CLIC5: variants seen among roughly 807,000 people sequenced by gnomAD.
CLIC5 encodes chloride intracellular channel protein 5.
A neutral mutation model predicts 24.7 loss-of-function variants in CLIC5; 20 were observed. The observed-to-expected ratio is 0.81, with a 90% CI of 0.57 to 1.18. CLIC5 has a LOEUF of 1.18. Among genes scored for constraint, CLIC5 ranks in the 50% most tolerant of loss-of-function variants. CLIC5 has a pLI of 0.00. For missense variants in CLIC5, 341 were observed against 326.1 expected, an observed-to-expected ratio of 1.05 and a Z score of -0.35; for synonymous variants, 159 against 135.6, an observed-to-expected ratio of 1.17 and a Z score of -1.20.
In CLIC5 at chr6:46,038,602, A is replaced by G. The variant is rs373613127; in HGVS notation, c.540+41101T>C. ...TTTACTGGCATAAAAACCCTACTTCATGTCAACAGTTTTAGAAAAATTCAG... is the reference window on the plus strand; with the variant it reads ...TTTACTGGCATAAAAACCCTACTTCGTGTCAACAGTTTTAGAAAAATTCAG... On this transcript the variant is annotated intron_variant, in intron 1 of 5. Transcript: ENST00000185206. 9.2e-5 allele frequency among the ~76,000 whole-genome samples: 14 copies of G among 152,346 alleles called. No homozygotes were observed. In the East Asian group the frequency reaches 2.5e-3, roughly 27 times the overall value.
the CLIC5 span, among the ~76,000 whole-genome samples, chr6:46,119,866 G>A: frequency 6.6e-6 from 1 of 152,232 alleles, no homozygotes; most frequent in African/African-American, 2.4e-5. Flanking sequence ...GGAACTGCAA[G>A]GCAGCAGCGA....
intron 1 of CLIC5, chr6:46,079,686 T>C (rs1405208333): frequency 6.5e-7 from 1 of 1,545,064 alleles, no homozygotes; most frequent in Non-Finnish European, 8.8e-7. Flanking sequence ...GGTATGCCTG[T>C]CAGAGGCAGA....
At chr6:45,926,973 C>T (rs1763523357) in intron 4 of CLIC5, among the ~76,000 whole-genome samples, 1 of 152,038 alleles carries the variant, frequency 6.6e-6, no homozygotes. Flanking sequence ...TAAATGGGGA[C>T]TGGGAAGTTT....
rs946757063 is a variant in CLIC5 at position 45,955,739 on chromosome 6, C to G, written c.64-495G>C. Among the ~76,000 whole-genome samples, 8 of 152,136 alleles carry G rather than the reference C, an allele frequency of 5.3e-5. No homozygotes were observed. In the East Asian group the frequency reaches 1.5e-3, roughly 29 times the overall value. ...TGTTCCTCTGTAGTTTACCCTCCCC[C>G]ACCCCTCAGTCCTTGGATGTCATGA... On this transcript the variant is annotated intron_variant, in intron 1 of 5. Transcript: ENST00000339561.
At chr6:46,118,854 C>A in the CLIC5 span, among the ~76,000 whole-genome samples, 2 of 152,164 alleles carry the variant, frequency 1.3e-5, no homozygotes, top group Non-Finnish European at 2.9e-5. Flanking sequence ...ATAAAGGGGA[C>A]CTACCAGGCA....
chr6:45,905,324 A>T (rs1762627589), intron 5 of CLIC5, among the ~76,000 whole-genome samples: 1 of 152,166 alleles, frequency 6.6e-6, no homozygotes, highest in African/African-American at 2.4e-5. Flanking sequence ...ACTAATTTAC[A>T]TTCCCATTAA....
At chr6:45,913,701 G>A (rs1187341679) in intron 5 of CLIC5, 1 of 954,276 alleles carries the variant, frequency 1.0e-6, no homozygotes, top group East Asian at 3.3e-5. Flanking sequence ...TAAGTGCAAT[G>A]ATAGCAAGAA....
chr6:46,020,863 A>G (rs1767156981), intron 1 of CLIC5, among the ~76,000 whole-genome samples: 1 of 151,982 alleles, frequency 6.6e-6, no homozygotes, highest in South Asian at 2.1e-4. Context: ...AAATTCACTC[A>G]ATGAGAAGTA....
the CLIC5 span, among the ~76,000 whole-genome samples, chr6:46,087,727 C>G: frequency 6.6e-6 from 1 of 152,162 alleles, no homozygotes; most frequent in African/African-American, 2.4e-5. Context: ...GATGAACCTG[C>G]TGATACCTGA....
chr6:46,039,503 A>C (rs1426889232), intron 1 of CLIC5, among the ~76,000 whole-genome samples: 1 of 152,104 alleles, frequency 6.6e-6, no homozygotes, highest in Non-Finnish European at 1.5e-5. Context: ...TATTATAATA[A>C]ATTTTGGTCA....
intron 3 of CLIC5, 45 bp from the exon 4 acceptor site, chr6:45,941,698 C>A (rs566577963): frequency 4.3e-5 from 60 of 1,405,538 alleles, no homozygotes; most frequent in Non-Finnish European, 5.8e-5. Context: ...AGACTTGGAG[C>A]TCCTTTAAGG....
At chr6:46,005,979 T>G (rs1033809240) in intron 1 of CLIC5, among the ~76,000 whole-genome samples, 1 of 123,502 alleles carries the variant, frequency 8.1e-6, no homozygotes, top group African/African-American at 3.3e-5. Flanking sequence ...AGCCTATGTG[T>G]GTATATATAT....
intron 1 of CLIC5, among the ~76,000 whole-genome samples, chr6:46,036,961 C>T (rs1338476): frequency 0.68 from 102,971 of 152,022 alleles, 35,102 homozygotes; most frequent in Non-Finnish European, 0.71. Flanking sequence ...GTTGAAACAC[C>T]AATTTTGAGA....
chr6:45,931,174 T>C (rs571063480), intron 4 of CLIC5, among the ~76,000 whole-genome samples: 1 of 152,314 alleles, frequency 6.6e-6, no homozygotes, highest in African/African-American at 2.4e-5. Context: ...TGCTTTATGA[T>C]TCCTGCAGCA....
chr6:45,891,375 C>A (rs1762345519), intron 6 of CLIC5, among the ~76,000 whole-genome samples: 1 of 151,942 alleles, frequency 6.6e-6, no homozygotes, highest in African/African-American at 2.4e-5. Flanking sequence ...CAGTGGCTCA[C>A]CCCGGTAATT....
chr6:46,074,118 A>G (rs1009291864), intron 1 of CLIC5, among the ~76,000 whole-genome samples: 2 of 152,216 alleles, frequency 1.3e-5, no homozygotes, highest in African/African-American at 4.8e-5. Flanking sequence ...CTATCAATAT[A>G]AAACATTTAC....
In CLIC5 at chr6:45,944,656, C is replaced by A. The variant is rs10807329; in HGVS notation, c.300-3003G>T. On this transcript the variant is annotated intron_variant, in intron 3 of 5. Coordinates refer to ENST00000339561, the MANE Select transcript of CLIC5 (RefSeq NM_016929.5). ...TGCCCTATCTGGTTTAGAGTCCCAG[C>A]TGACTTCTCACTGACTAGCCACAGC... Among the ~76,000 whole-genome samples, 19 of 151,964 alleles carry A rather than the reference C, an allele frequency of 1.3e-4. No homozygotes were observed. The East Asian group carries it at 3.5e-3, about 28-fold the overall frequency.
rs567222334 is a variant in CLIC5, at chr6:45,912,458, A to G, written c.588+1770T>C. ...TTCATTTGTTTGCTTTGTTCAACAA[A>G]TGGTTTTTGAGTGGTAGTGAATACA... On this transcript the variant is annotated intron_variant, in intron 5 of 5. Coordinates refer to ENST00000339561, the MANE Select transcript of CLIC5 (RefSeq NM_016929.5). The G allele has an allele frequency of 7.9e-3, 9,663 of 1,225,666 alleles. 47 individuals are homozygous for G. The highest frequency in any genetic ancestry group is 9.3e-3 in the Non-Finnish European group (8,979 of 970,474). The allele number at this position is 1,225,666 out of a possible 1,614,324, so 75.9% of individuals were successfully genotyped here. A position where few individuals can be genotyped will look rare whatever the true frequency, so the allele number is the denominator to read the frequency against.
upstream of CLIC5, among the ~76,000 whole-genome samples, chr6:46,083,090 A>G (rs1762959282): frequency 6.6e-6 from 1 of 152,180 alleles, no homozygotes; most frequent in South Asian, 2.1e-4. Context: ...GCCCATGCCT[A>G]TTTTTTCACG....
Sources: gnomAD v4.1 joint callset for allele counts (sites outside exome capture counted in the v4.1 genomes callset) on GRCh38, gnomAD v4.1.1 for gene constraint, MANE v1.5 for transcripts, NCBI Gene and HGNC (gene_info 2026-07-23, HGNC 2026-07-21) for gene names.